TRPM2: variants seen among roughly 807,000 people sequenced by gnomAD.
TRPM2 encodes the protein estrogen-responsive element-associated gene 1 protein.
Under a neutral mutation model 174.0 loss-of-function variants are expected in TRPM2, and 161 were observed. That is an observed-to-expected ratio of 0.93 (90% CI 0.81 to 1.05). The LOEUF is 1.05. Among genes scored for constraint, TRPM2 ranks in the 50% least tolerant of loss-of-function variants. TRPM2 has a pLI of 0.00. For synonymous variants in TRPM2, 954 were observed against 861.3 expected (o/e 1.11, Z -1.88); for missense variants, 2,057 against 2,038.0 (o/e 1.01, Z -0.18).
intron 1 of TRPM2, 121 bp downstream of exon 1, chr21:44,353,986 C>A: frequency 8.2e-7 from 1 of 1,222,308 alleles, no homozygotes; most frequent in Non-Finnish European, 1.1e-6. Context: ...TTGGGGGCTC[C>A]TGCCCAACCA....
chr21:44,395,389 GCT>G (rs2049313139), intron 11 of TRPM2, 23 bp from the exon 12 acceptor site: 2 of 1,611,610 alleles, frequency 1.2e-6, no homozygotes, highest in Non-Finnish European at 1.7e-6. Context: ...CCCGGCTGGG[GCT>G]CTGACAGTTC....
intron 12 of TRPM2, among the ~76,000 whole-genome samples, chr21:44,397,469 G>A (rs1005594035): frequency 1.3e-5 from 2 of 152,202 alleles, no homozygotes; most frequent in Non-Finnish European, 2.9e-5. Flanking sequence ...GTTCCGATGG[G>A]GGCTGGTGCA....
intron 24 of TRPM2, 83 bp from the exon 25 acceptor site, chr21:44,425,587 G>T: frequency 7.2e-7 from 1 of 1,394,156 alleles, no homozygotes; most frequent in South Asian, 1.6e-5. Flanking sequence ...TTGGCGGAAG[G>T]ACCACAGAGG....
Position 44,391,190 on chromosome 21 carries a change from C to T in TRPM2, c.1441-82C>T. 5 of 1,534,168 alleles carry T rather than the reference C, an allele frequency of 3.3e-6. No individual in the cohort carries two copies. The highest frequency in any genetic ancestry group is 4.4e-6 in the Non-Finnish European group (5 of 1,126,612). On this transcript the variant is annotated intron_variant, in intron 10 of 31. Coordinates refer to ENST00000397928, the MANE Select transcript of TRPM2 (RefSeq NM_003307.4). This position sits in a 1 kb window ranked among gnomAD's most constrained non-coding sequence, Gnocchi z 5.0. The stretch of plus-strand genomic sequence containing the variant: ...TCCCCAGGTTGGGGACAACAGCAGC[C>T]CCCATCTCCAGGGTCTTTGAGATCA...
intron 2 of TRPM2, among the ~76,000 whole-genome samples, chr21:44,363,400 A>G (rs769836273): frequency 2.0e-5 from 3 of 152,020 alleles, no homozygotes; most frequent in Non-Finnish European, 4.4e-5. Flanking sequence ...CTTATTGGGC[A>G]ATTTCTACTG....
chr21:44,440,910 G>A lies in TRPM2; in HGVS notation c.4386+5G>A, dbSNP rs377505776. ...GAGCTGAACAGGCTGAACTCTGTAT[G>A]TGCCTGGCCTCCCTGGAGGCGGGAG... is the stretch of plus-strand genomic sequence containing the variant. On this transcript the variant is annotated splice_donor_5th_base_variant and intron_variant, in intron 31 of 31. Transcript: ENST00000397928. The A allele has an allele frequency of 1.1e-5, 17 of 1,613,046 alleles. No homozygotes were observed. The African/African-American group carries it at 1.6e-4, about 15-fold the overall frequency.
At chr21:44,402,745 C>T (rs1361214350) in intron 16 of TRPM2, among the ~76,000 whole-genome samples, 7 of 152,184 alleles carry the variant, frequency 4.6e-5, no homozygotes, top group African/African-American at 1.4e-4. Context: ...GAATCCCTTA[C>T]TGTGTGGGGT....
rs866621293 is a variant in TRPM2 at position 44,437,139 on chromosome 21, C to T, written c.4139C>T (p.Pro1380Leu). The T allele has an allele frequency of 6.4e-7, 1 of 1,551,350 alleles. No homozygotes were observed. The change falls in exon 29 of 32, where the codon CCT becomes CTT. Residue 1380 changes from proline (P) to leucine (L), a missense_variant. Pro to Leu is a moderately conservative substitution (Grantham distance 98). Coordinates refer to ENST00000397928, the MANE Select transcript of TRPM2 (RefSeq NM_003307.4). ...KMLEVLVVKL[P>L]LSEHWALPGG... is the part of the protein sequence containing the mutation. ...CTGGAAGTGCTGGTGGTGAAGCTCCCTCTCTCCGAGCACTGGGCCCTGCCT... is the reference window on the plus strand; with the variant it reads ...CTGGAAGTGCTGGTGGTGAAGCTCCTTCTCTCCGAGCACTGGGCCCTGCCT...
chr21:44,427,632 C>A (rs938739235), intron 27 of TRPM2, among the ~76,000 whole-genome samples: 1 of 152,120 alleles, frequency 6.6e-6, no homozygotes, highest in Non-Finnish European at 1.5e-5. Flanking sequence ...TTGGACCCTG[C>A]CATGAGGAGG....
chr21:44,435,884 G>A (rs867248650), intron 28 of TRPM2, among the ~76,000 whole-genome samples: 133 of 123,638 alleles, frequency 1.1e-3, no homozygotes, highest in African/African-American at 4.2e-3. Context: ...CGGGGACACA[G>A]CCCCACACTC....
intron 5 of TRPM2, among the ~76,000 whole-genome samples, chr21:44,371,074 C>T (rs575613901): frequency 5.0e-4 from 76 of 152,350 alleles, no homozygotes; most frequent in African/African-American, 1.7e-3. Context: ...ATCTGGAATC[C>T]GCGTCGATTG....
rs755179351 is a variant in TRPM2 at position 44,424,949 on chromosome 21, T to G, written c.3637+10T>G. ...GACGTCCCCACTCTGGGTGAGTGGG[T>G]GGCCAGGCCAGCAGCTGGTCTCCAG... On this transcript the variant is annotated intron_variant, in intron 24 of 31. Transcript: ENST00000397928. 7.7e-5 allele frequency: 122 copies of G among 1,591,256 alleles called. 1 individual carries two copies. Among genetic ancestry groups the G allele is most frequent in the Non-Finnish European group, 9.4e-5 (110 of 1,171,142 alleles).
chr21:44,360,316 TCCTGC>T (rs2048175819), intron 2 of TRPM2, among the ~76,000 whole-genome samples: 1 of 152,126 alleles, frequency 6.6e-6, no homozygotes, highest in Non-Finnish European at 1.5e-5. Context: ...CTCGGGCAGC[TCCTGC>T]CGTCCCCAGG....
Position 44,439,260 on chromosome 21 carries a change from C to G in TRPM2, c.4269+92C>G. The G allele has an allele frequency of 8.1e-7, 1 of 1,230,794 alleles. No individual in the cohort carries two copies. Among genetic ancestry groups the G allele is most frequent in the South Asian group, 1.3e-5 (1 of 78,574 alleles). 76.2% of individuals were successfully genotyped at this position (1,230,794 alleles called of 1,614,324 possible). On this transcript the variant is annotated intron_variant, in intron 30 of 31. Transcript: ENST00000397928. The surrounding 1 kb of genome is among the most constrained non-coding windows in gnomAD (Gnocchi z 5.1). ...ATACTGGGGACCTGCCCCAGCACCACTGGGTGGCAGCGGTCCCACCCAGCT... is the reference window on the plus strand; with the variant it reads ...ATACTGGGGACCTGCCCCAGCACCAGTGGGTGGCAGCGGTCCCACCCAGCT...
chr21:44,406,977 G>C (rs1186104373), intron 19 of TRPM2, among the ~76,000 whole-genome samples: 1 of 149,946 alleles, frequency 6.7e-6, no homozygotes, highest in Admixed American at 6.6e-5. Flanking sequence ...GGGGGGCCTG[G>C]TGGGGGTGAG....
In TRPM2 at chr21:44,423,607, GTGTGGTGTGCGTCCAGCTCAGCT is replaced by G. The variant is rs2050629987; in HGVS notation, c.3462-37_3462-15del. 4 of 1,575,550 alleles carry G rather than the reference GTGTGGTGTGCGTCCAGCTCAGCT, an allele frequency of 2.5e-6. No homozygotes were observed. The African/African-American group carries it at 5.5e-5, about 22-fold the overall frequency. ...GGTGTGGCGTTCCCAGGGCCCCAAG[GTGTGGTGTGCGTCCAGCTCAGCT>G]GCTTCCTCTTTCAGGGTTGACGCCA... On this transcript the variant is annotated splice_polypyrimidine_tract_variant and intron_variant, in intron 22 of 31. Coordinates refer to ENST00000397928, the MANE Select transcript of TRPM2 (RefSeq NM_003307.4).
rs114763261 is a variant in TRPM2, at chr21:44,417,899, C to T, written c.3147-28C>T. 3,726 of 1,599,774 alleles carry T rather than the reference C, an allele frequency of 2.3e-3. 68 individuals are homozygous for T. In the African/African-American group the frequency reaches 0.039, roughly 17 times the overall value. ...CTGTTCTGGGTAAACACCCTGACCT[C>T]GAGGTGTTGCTTTCTCCTCCCTGAC... On this transcript the variant is annotated intron_variant, in intron 20 of 31. Transcript: ENST00000397928.
At chr21:44,407,915 A>C (rs2049960437) in intron 19 of TRPM2, among the ~76,000 whole-genome samples, 1 of 151,368 alleles carries the variant, frequency 6.6e-6, no homozygotes, top group African/African-American at 2.4e-5. Context: ...AAAAATTTTA[A>C]ATTAATTAAT....
intron 5 of TRPM2, among the ~76,000 whole-genome samples, chr21:44,372,620 G>A (rs1468752232): frequency 1.3e-5 from 2 of 152,228 alleles, no homozygotes; most frequent in South Asian, 4.1e-4. Context: ...CTTCATATGT[G>A]CACCTGTGAG....
Sources: gnomAD v4.1 joint callset for allele counts (sites outside exome capture counted in the v4.1 genomes callset) on GRCh38, gnomAD v4.1.1 for gene constraint, Gnocchi (gnomAD v3.1) non-coding constraint, MANE v1.5 for transcripts, NCBI Gene and HGNC (gene_info 2026-07-23, HGNC 2026-07-21) for gene names.